ITPR1: variants seen among roughly 807,000 people sequenced by gnomAD.
The protein encoded by ITPR1 is inositol 1,4,5-trisphosphate-gated calcium channel ITPR1.
A neutral mutation model predicts 318.4 loss-of-function variants in ITPR1; 96 were observed. The observed-to-expected ratio is 0.30, with a 90% confidence interval of 0.26 to 0.36. ITPR1 has a LOEUF of 0.36. Among genes scored for constraint, ITPR1 ranks in the 10% least tolerant of loss-of-function variants. The pLI, the probability that ITPR1 is intolerant of heterozygous loss-of-function variation, is 1.00. For synonymous variants in ITPR1, 1,312 were observed against 1,289.9 expected, an observed-to-expected ratio of 1.02 and a Z score of -0.37; for missense variants, 2,440 against 3,460.2, an observed-to-expected ratio of 0.71 and a Z score of 7.40.
chr3:4,627,696 T>C (rs183746937), intron 4 of ITPR1, 67 bp from the exon 5 acceptor site: 22,396 of 917,822 alleles, frequency 0.024, 444 homozygotes, highest in Non-Finnish European at 0.033. Flanking sequence ...AAAGCCTTTT[T>C]TTTTTCCTTA....
chr3:4,670,942 G>GT lies in ITPR1; in HGVS notation c.2204+17dup. 1.3e-6 allele frequency: 2 copies of GT among 1,516,504 alleles called. No homozygotes were observed. The highest frequency in any genetic ancestry group is 1.8e-6 in the Non-Finnish European group (2 of 1,132,002). The allele number at this position is 1,516,504 out of a possible 1,614,324, so 93.9% of individuals were successfully genotyped here. On this transcript the variant is annotated intron_variant, in intron 20 of 61. Coordinates refer to ENST00000649015, the MANE Select transcript of ITPR1 (RefSeq NM_001378452.1). ...GCTACTACAGGTGCGTGGGACACGT[G>GT]TGGGGCTCAGATTGGGGTGCCCCAA...
At chr3:4,755,993 G>T (rs1214847233) in intron 44 of ITPR1, among the ~76,000 whole-genome samples, 2 of 152,206 alleles carry the variant, frequency 1.3e-5, no homozygotes, top group Non-Finnish European at 2.9e-5. Context: ...AGCTGCAGAT[G>T]TTGGCTGGTT....
chr3:4,650,929 G>C (rs1453355732), intron 10 of ITPR1, among the ~76,000 whole-genome samples: 1 of 152,096 alleles, frequency 6.6e-6, no homozygotes, highest in Non-Finnish European at 1.5e-5. Flanking sequence ...TCTTTAAAGA[G>C]TACTGAATTT....
chr3:4,645,599 G>C lies in ITPR1; in HGVS notation c.726G>C (p.Leu242=). ...ACTGTCAGGGTGACGTGGTGAGGCT[G>C]TTTCATGCTGAGCAGGAGAAGTTTC... is the stretch of plus-strand genomic sequence containing the variant. ...DILKGGDVVR[L]FHAEQEKFLT... is the part of the protein sequence containing the mutation. The change falls in exon 10 of 62, where the codon CTG becomes CTC. Residue 242 remains leucine (L), a synonymous_variant. Coordinates refer to ENST00000649015, the MANE Select transcript of ITPR1 (RefSeq NM_001378452.1). 6.2e-7 allele frequency: 1 copy of C among 1,613,542 alleles called. No homozygotes were observed.
At chr3:4,828,760 A>T (rs529931047) in intron 60 of ITPR1, among the ~76,000 whole-genome samples, 1 of 152,134 alleles carries the variant, frequency 6.6e-6, no homozygotes, top group African/African-American at 2.4e-5. Context: ...AAGAACAACT[A>T]TGGAGTCTGG....
At chr3:4,595,360 A>C (rs938297544) in intron 4 of ITPR1, among the ~76,000 whole-genome samples, 2 of 152,184 alleles carry the variant, frequency 1.3e-5, no homozygotes, top group Admixed American at 6.5e-5. Context: ...GTGAGGTGCC[A>C]CACACTTTTA....
intron 33 of ITPR1, among the ~76,000 whole-genome samples, chr3:4,694,711 G>C (rs773881400): frequency 6.6e-6 from 1 of 152,152 alleles, no homozygotes; most frequent in Admixed American, 6.5e-5. Context: ...ACATGGAAAA[G>C]GTCCAGTAAA....
At chr3:4,692,283 G>A (rs2094492775) in intron 32 of ITPR1, among the ~76,000 whole-genome samples, 6 of 54,352 alleles carry the variant, frequency 1.1e-4, no homozygotes, top group South Asian at 1.1e-3. Flanking sequence ...ATGAAGATAC[G>A]CAGATTTCAC....
At chr3:4,804,117 C>A (rs1276418093) in intron 54 of ITPR1, among the ~76,000 whole-genome samples, 2 of 152,244 alleles carry the variant, frequency 1.3e-5, no homozygotes, top group Non-Finnish European at 2.9e-5. Flanking sequence ...GGCAATCCAC[C>A]CGCCTCGGCC....
At position 4,627,787 on chromosome 3, in the gene ITPR1, T is replaced by C. The variant is rs370953766; in HGVS notation, c.188T>C (p.Met63Thr). 1.2e-6 allele frequency: 2 copies of C among 1,613,490 alleles called. No individual in the cohort carries two copies. Among genetic ancestry groups the C allele is most frequent in the Non-Finnish European group, 8.5e-7 (1 of 1,179,504 alleles). ...GACTGCCTCTTTAAGCTATGTCCCA[T>C]GAACCGCTACTCTGCCCAAAAGCAG... is the stretch of plus-strand genomic sequence containing the variant. ...FRDCLFKLCP[M>T]NRYSAQKQFW... Residue 63 changes from methionine (M) to threonine (T), a missense_variant, in exon 5 of 62, where the codon ATG becomes ACG. Transcript: ENST00000649015.
intron 60 of ITPR1, chr3:4,831,127 TCTCTCA>T (rs1254126449): frequency 3.0e-5 from 10 of 336,714 alleles, no homozygotes; most frequent in Admixed American, 1.1e-4. Flanking sequence ...TCTCTCTCTC[TCTCTCA>T]CACACACACA....
intron 10 of ITPR1, among the ~76,000 whole-genome samples, chr3:4,650,672 T>G (rs1232431698): frequency 6.6e-6 from 1 of 151,446 alleles, no homozygotes; most frequent in Non-Finnish European, 1.5e-5. Flanking sequence ...TCTGTGTGTT[T>G]ACCTTGCTGG....
Position 4,737,485 on chromosome 3 carries a change from G to C in ITPR1, c.5544+2131G>C, listed in dbSNP as rs116437278. ...CATGGTAGAGAGGGCCCAGAGGTGTGAGAGCAGCAGTTGGGTTTCCAGAAC... is the reference window on the plus strand; with the variant it reads ...CATGGTAGAGAGGGCCCAGAGGTGTCAGAGCAGCAGTTGGGTTTCCAGAAC... On this transcript the variant is annotated intron_variant, in intron 44 of 61. Coordinates refer to ENST00000649015, the MANE Select transcript of ITPR1 (RefSeq NM_001378452.1). 7.1e-3 allele frequency among the ~76,000 whole-genome samples: 1,074 copies of C among 152,332 alleles called. 11 individuals are homozygous for C. Among genetic ancestry groups the C allele is most frequent in the African/African-American group, 0.025 (1,038 of 41,560 alleles).
chr3:4,814,615 GT>G, intron 58 of ITPR1, 53 bp downstream of exon 58: 1 of 1,331,096 alleles, frequency 7.5e-7, no homozygotes, highest in Non-Finnish European at 1.1e-6. Flanking sequence ...GGGGTGGTTG[GT>G]GGGAGCACCA....
intron 4 of ITPR1, among the ~76,000 whole-genome samples, chr3:4,623,520 TATGTAC>T (rs1442211188): frequency 6.6e-6 from 1 of 152,212 alleles, no homozygotes; most frequent in Non-Finnish European, 1.5e-5. Flanking sequence ...TACGCACACA[TATGTAC>T]ACACATGTGT....
intron 30 of ITPR1, among the ~76,000 whole-genome samples, chr3:4,686,700 TC>T (rs1256563255): frequency 2.0e-5 from 3 of 152,184 alleles, no homozygotes; most frequent in African/African-American, 7.2e-5. Context: ...GGTGGAGGAA[TC>T]CCCCACAGGT....
intron 4 of ITPR1, among the ~76,000 whole-genome samples, chr3:4,551,180 G>A (rs2085529387): frequency 1.3e-5 from 2 of 152,196 alleles, no homozygotes; most frequent in African/African-American, 4.8e-5. Flanking sequence ...TGCCTTTTCT[G>A]CAACATGTGT....
chr3:4,562,301 G>C (rs1047232594), intron 4 of ITPR1, among the ~76,000 whole-genome samples: 17 of 151,972 alleles, frequency 1.1e-4, no homozygotes, highest in Non-Finnish European at 2.1e-4. Context: ...AAAATTATTA[G>C]ACAGTAATGT....
At chr3:4,617,830 CAA>C (rs34216867) in intron 4 of ITPR1, among the ~76,000 whole-genome samples, 34 of 141,526 alleles carry the variant, frequency 2.4e-4, no homozygotes, top group South Asian at 2.3e-4. Context: ...TTAAAAAATG[CAA>C]AAAAAAAAAA....
Sources: allele counts gnomAD v4.1 joint callset (sites outside exome capture counted in the v4.1 genomes callset), GRCh38; gene constraint gnomAD v4.1.1; transcripts MANE v1.5; gene names NCBI Gene and HGNC (gene_info 2026-07-23, HGNC 2026-07-21).